The following HAT1 variants were observed in gnomAD, a reference collection of about 807,000 sequenced individuals.
HAT1 encodes histone acetyltransferase type B catalytic subunit.
A neutral mutation model predicts 56.6 loss-of-function variants in HAT1; 20 were observed. That is an observed-to-expected ratio of 0.35 (90% CI 0.25 to 0.51). HAT1 has a LOEUF of 0.51. HAT1 is among the 20% of genes least tolerant of loss of function. The pLI, the probability that HAT1 is intolerant of heterozygous loss-of-function variation, is 0.95. For synonymous variants in HAT1, 146 were observed against 165.5 expected, an observed-to-expected ratio of 0.88 and a Z score of 0.91; for missense variants, 408 against 504.3, an observed-to-expected ratio of 0.81 and a Z score of 1.83.
At chr2:171,930,191 G>A (rs1354467937) in intron 2 of HAT1, among the ~76,000 whole-genome samples, 1 of 152,034 alleles carries the variant, frequency 6.6e-6, no homozygotes, top group African/African-American at 2.4e-5. Flanking sequence ...TTTTGTATGT[G>A]TGACATGTTC....
chr2:171,940,527 G>C (rs1018821785), intron 2 of HAT1, among the ~76,000 whole-genome samples: 1 of 152,200 alleles, frequency 6.6e-6, no homozygotes, highest in Non-Finnish European at 1.5e-5. Context: ...CAGTAGTAAA[G>C]GGCTTCTTAG....
chr2:171,979,430 A>G, intron 10 of HAT1, 67 bp downstream of exon 10: 1 of 816,200 alleles, frequency 1.2e-6, no homozygotes, highest in Middle Eastern at 2.5e-4. Context: ...AAAGCTACCA[A>G]ATATCAGTAT....
Position 171,976,210 on chromosome 2 carries a change from C to G in HAT1, c.877C>G (p.Leu293Val). ...VKLRDFVLVK[L>V]CQDLPCFSRE... ...ATTACGAGACTTTGTGCTTGTGAAG[C>G]TTTGTCAAGATTTGCCCTGTTTTTC... is the stretch of plus-strand genomic sequence containing the variant. Residue 293 changes from leucine to valine, a missense_variant, in exon 9 of 11, where the codon CTT becomes GTT. Leu to Val is a conservative substitution (Grantham distance 32, BLOSUM62 1). Transcript: ENST00000264108. 1.9e-6 allele frequency: 3 copies of G among 1,596,102 alleles called. No homozygotes were observed. The highest frequency in any genetic ancestry group is 2.6e-6 in the Non-Finnish European group (3 of 1,170,142).
chr2:171,929,698 T>C lies in HAT1; in HGVS notation c.112+4057T>C, dbSNP rs551995106. Among the ~76,000 whole-genome samples, 3 of 152,368 alleles carry C rather than the reference T, an allele frequency of 2.0e-5. No individual in the cohort carries two copies. The South Asian group carries it at 6.2e-4, about 32-fold the overall frequency. ...GTTGTTCCATGTGGATATCCACTTGTTTCAGTATAATTTGTGTGAATGCCT... is the reference window on the plus strand; with the variant it reads ...GTTGTTCCATGTGGATATCCACTTGCTTCAGTATAATTTGTGTGAATGCCT... On this transcript the variant is annotated intron_variant, in intron 2 of 10. Transcript: ENST00000264108.
intron 8 of HAT1, among the ~76,000 whole-genome samples, chr2:171,969,600 G>A (rs1453077280): frequency 6.6e-6 from 1 of 152,086 alleles, no homozygotes; most frequent in Non-Finnish European, 1.5e-5. Context: ...TACATTATTG[G>A]GTGTCGTTTT....
chr2:171,942,806 C>T (rs1361940552), intron 2 of HAT1, among the ~76,000 whole-genome samples: 1 of 151,974 alleles, frequency 6.6e-6, no homozygotes, highest in African/African-American at 2.4e-5. Context: ...AATATTAAAA[C>T]CTCACTAATT....
intron 2 of HAT1, among the ~76,000 whole-genome samples, chr2:171,936,248 G>T (rs954700842): frequency 5.3e-5 from 8 of 152,226 alleles, no homozygotes; most frequent in Non-Finnish European, 1.2e-4. Flanking sequence ...TTCTTAGTGT[G>T]TGGGGAGAGA....
chr2:171,978,311 T>G (rs2105347910), intron 9 of HAT1, among the ~76,000 whole-genome samples: 1 of 152,306 alleles, frequency 6.6e-6, no homozygotes, highest in Admixed American at 6.5e-5. Flanking sequence ...CCTCCCAAAG[T>G]GCTGGAACTA....
At chr2:171,960,328 C>T (rs1687543018) in intron 4 of HAT1, among the ~76,000 whole-genome samples, 1 of 151,922 alleles carries the variant, frequency 6.6e-6, no homozygotes, top group African/African-American at 2.4e-5. Flanking sequence ...ACCCCATTGC[C>T]CAAGTTCAAT....
intron 4 of HAT1, among the ~76,000 whole-genome samples, chr2:171,959,761 C>G (rs1687531890): frequency 6.6e-6 from 1 of 152,148 alleles, no homozygotes; most frequent in Admixed American, 6.5e-5. Flanking sequence ...ATGGAGCTTA[C>G]ATTCTAGCCA....
At chr2:171,978,018 T>G (rs1431529027) in intron 9 of HAT1, among the ~76,000 whole-genome samples, 1 of 151,994 alleles carries the variant, frequency 6.6e-6, no homozygotes, top group East Asian at 1.9e-4. Context: ...CTGATTCTTC[T>G]GATATTTCCT....
chr2:171,982,007 TTAA>T (rs1438215831), intron 10 of HAT1, among the ~76,000 whole-genome samples: 1 of 152,156 alleles, frequency 6.6e-6, no homozygotes, highest in Non-Finnish European at 1.5e-5. Flanking sequence ...ATTTTAGATA[TTAA>T]TGTGACTTTT....
chr2:171,923,473 C>T (rs1466624475), intron 1 of HAT1: 1 of 152,158 alleles, frequency 6.6e-6, no homozygotes, highest in African/African-American at 2.4e-5. Flanking sequence ...CAGAGTCTGG[C>T]TGTATTGCCT....
chr2:171,925,069 C>CTTTTTTTTTTTT, intron 1 of HAT1: 1 of 73,668 alleles, frequency 1.4e-5, no homozygotes, highest in Non-Finnish European at 2.6e-5. Flanking sequence ...ATGAGGCATT[C>CTTTTTTTTTTTT]TTTTTTTTTT....
rs934877972 is a variant in HAT1, at chr2:171,976,151, A to T, written c.824-6A>T. On this transcript the variant is annotated splice_polypyrimidine_tract_variant and splice_region_variant and intron_variant, in intron 8 of 10. Transcript: ENST00000264108. ...ATGTTAATATTATTCTGCTTTATTT[A>T]TTTAGCGGAAGATCCATCCAAAAGC... 1.4e-6 allele frequency: 2 copies of T among 1,471,970 alleles called. No individual in the cohort carries two copies. The highest frequency in any genetic ancestry group is 4.5e-5 in the Admixed American group (2 of 44,448). The allele number at this position is 1,471,970 out of a possible 1,614,324, so 91.2% of individuals were successfully genotyped here.
intron 2 of HAT1, among the ~76,000 whole-genome samples, chr2:171,930,159 G>A (rs1043498450): frequency 6.6e-6 from 1 of 151,950 alleles, no homozygotes; most frequent in African/African-American, 2.4e-5. Flanking sequence ...CTTAAAAATG[G>A]TATACTTTTT....
chr2:171,922,589 G>A lies in HAT1; in HGVS notation c.7+82G>A, dbSNP rs570575475. On this transcript the variant is annotated intron_variant, in intron 1 of 10. Coordinates refer to ENST00000264108, the MANE Select transcript of HAT1 (RefSeq NM_003642.4). Reference sequence around the variant, plus strand: ...CGCCGAGACGGTGGTGACAATGCCCGCCTAGAACTTTCGGGCTGTAGCCTG... The same window carrying A: ...CGCCGAGACGGTGGTGACAATGCCCACCTAGAACTTTCGGGCTGTAGCCTG... 65 of 1,162,294 alleles carry A rather than the reference G, an allele frequency of 5.6e-5. No individual in the cohort carries two copies. In the East Asian group the frequency reaches 1.8e-3, roughly 32 times the overall value. 72.0% of individuals were successfully genotyped at this position (1,162,294 alleles called of 1,614,324 possible).
chr2:171,977,604 T>C (rs1688022971), intron 9 of HAT1, among the ~76,000 whole-genome samples: 1 of 122,344 alleles, frequency 8.2e-6, no homozygotes. Context: ...AAAAAAAGAA[T>C]TCAAACTCCC....
At chr2:171,979,438 T>C (rs759160534) in intron 10 of HAT1, 75 bp downstream of exon 10, 1 of 756,798 alleles carries the variant, frequency 1.3e-6, no homozygotes, top group Non-Finnish European at 2.4e-6. Flanking sequence ...CAAATATCAG[T>C]ATATGAGAGA....
Sources: allele counts gnomAD v4.1 joint callset (sites outside exome capture counted in the v4.1 genomes callset), GRCh38; gene constraint gnomAD v4.1.1; transcripts MANE v1.5; gene names NCBI Gene and HGNC (gene_info 2026-07-23, HGNC 2026-07-21).